The following SLC29A4 variants were observed in gnomAD, a reference collection of about 807,000 sequenced individuals.
The protein encoded by SLC29A4 is solute carrier family 29 member 4.
Under a neutral mutation model 43.9 loss-of-function variants are expected in SLC29A4, and 36 were observed. The observed-to-expected ratio is 0.82, with a 90% CI of 0.63 to 1.08. SLC29A4 has a LOEUF of 1.08. Among genes scored for constraint, SLC29A4 ranks in the 50% least tolerant of loss-of-function variants. The pLI, the probability that SLC29A4 is intolerant of heterozygous loss-of-function variation, is 0.00. For synonymous variants in SLC29A4, 491 were observed against 338.0 expected (o/e 1.45, Z -4.97); for missense variants, 869 against 755.3 (o/e 1.15, Z -1.77).
rs1192612341 is a variant in SLC29A4 at position 5,302,955 on chromosome 7, T to C, written c.*16T>C. The C allele has an allele frequency of 1.2e-6, 2 of 1,601,934 alleles. No individual in the cohort carries two copies. The highest frequency in any genetic ancestry group is 4.5e-5 in the East Asian group (2 of 44,508). ...AGGCCTCTGAGCCAGCCCCGCCCACTGCCAGGGACGCCGAGGGCCTGACCA... is the reference window on the plus strand; with the variant it reads ...AGGCCTCTGAGCCAGCCCCGCCCACCGCCAGGGACGCCGAGGGCCTGACCA... On this transcript the variant is annotated 3_prime_UTR_variant, in exon 11 of 11. Coordinates refer to ENST00000396872, the MANE Select transcript of SLC29A4 (RefSeq NM_153247.4).
chr7:5,302,606 A>G (rs181675493), intron 10 of SLC29A4, among the ~76,000 whole-genome samples, 191 bp from the exon 11 acceptor site: 2 of 152,352 alleles, frequency 1.3e-5, no homozygotes, highest in Admixed American at 1.3e-4. Context: ...AGTGCATAGC[A>G]GATGGCCTCG....
intron 10 of SLC29A4, among the ~76,000 whole-genome samples, chr7:5,302,385 T>A (rs1786230061): frequency 6.6e-6 from 1 of 152,026 alleles, no homozygotes; most frequent in African/African-American, 2.4e-5. Context: ...ACAAAAAAAT[T>A]TTTTTAGGTT....
intron 1 of SLC29A4, among the ~76,000 whole-genome samples, chr7:5,287,548 G>T (rs1404496455): frequency 6.6e-6 from 1 of 152,254 alleles, no homozygotes; most frequent in Non-Finnish European, 1.5e-5. Flanking sequence ...CATCAATGTG[G>T]TGAAACTGAG....
intron 5 of SLC29A4, among the ~76,000 whole-genome samples, chr7:5,292,638 C>CTAATTA (rs1166121376): frequency 1.4e-5 from 2 of 146,636 alleles, no homozygotes; most frequent in Non-Finnish European, 3.0e-5. Flanking sequence ...CCTTTCTTGC[C>CTAATTA]TAATTACTAA....
In SLC29A4 at chr7:5,291,253, C is replaced by T. The variant is rs571328947; in HGVS notation, c.415+16C>T. 6 of 1,604,268 alleles carry T rather than the reference C, an allele frequency of 3.7e-6. No individual in the cohort carries two copies. In the East Asian group the frequency reaches 1.3e-4, roughly 36 times the overall value. On this transcript the variant is annotated intron_variant, in intron 4 of 10. Coordinates refer to ENST00000396872, the MANE Select transcript of SLC29A4 (RefSeq NM_153247.4). ...ATCACCGCAGGTGCGCTGGGCCCCGCCACGGGACACCTGCCTGTCATGGCT... is the reference window on the plus strand; with the variant it reads ...ATCACCGCAGGTGCGCTGGGCCCCGTCACGGGACACCTGCCTGTCATGGCT...
In SLC29A4 at chr7:5,304,745, C is replaced by G. The variant is rs1786395956; in HGVS notation, c.*1806C>G. 1 of 152,212 alleles carries G rather than the reference C, an allele frequency of 6.6e-6. No homozygotes were observed. Among genetic ancestry groups the G allele is most frequent in the Non-Finnish European group, 1.5e-5 (1 of 68,074 alleles). 9.4% of individuals were successfully genotyped at this position (152,212 alleles called of 1,614,324 possible). A position where few individuals can be genotyped will look rare whatever the true frequency, so the allele number is the denominator to read the frequency against. On this transcript the variant is annotated 3_prime_UTR_variant, in exon 11 of 11. Transcript: ENST00000396872. ...TCTCGAACTCCTGATCTCAAGTGAT[C>G]CATCTGTCTCATCCTCCCAAAGTGT...
Position 5,290,691 on chromosome 7 carries a change from C to T in SLC29A4, c.170-41C>T, listed in dbSNP as rs575709754. 766 of 1,579,188 alleles carry T rather than the reference C, an allele frequency of 4.9e-4. 12 individuals are homozygous for T. In the South Asian group the frequency reaches 6.5e-3, roughly 13 times the overall value. ...GCCCTGTGCGGTGACTGTAGCCATG[C>T]GTGGAGCGTGCCCCGTCTCACCTGG... On this transcript the variant is annotated intron_variant, in intron 2 of 10. Transcript: ENST00000396872.
rs189092890 is a variant in SLC29A4, at chr7:5,288,107, C to T, written c.169+122C>T. The T allele has an allele frequency of 2.5e-4, 314 of 1,276,828 alleles. 3 individuals carry two copies. The South Asian group carries it at 3.1e-3, about 13-fold the overall frequency. 79.1% of individuals were successfully genotyped at this position (1,276,828 alleles called of 1,614,324 possible). A position where few individuals can be genotyped will look rare whatever the true frequency, so the allele number is the denominator to read the frequency against. On this transcript the variant is annotated intron_variant, in intron 2 of 10. Transcript: ENST00000396872. ...GGTCATGGAGGACTGGAGGCAGTGCCTGTCAGTGTGGATTAGATCTGCTGC... is the reference window on the plus strand; with the variant it reads ...GGTCATGGAGGACTGGAGGCAGTGCTTGTCAGTGTGGATTAGATCTGCTGC...
chr7:5,302,190 A>G (rs1056610584), intron 10 of SLC29A4, among the ~76,000 whole-genome samples: 15 of 152,140 alleles, frequency 9.9e-5, no homozygotes, highest in African/African-American at 3.4e-4. Flanking sequence ...ACCTCAGGTG[A>G]TCTGCCTGCC....
chr7:5,296,862 C>A, intron 6 of SLC29A4, 74 bp from the exon 7 acceptor site: 1 of 1,196,472 alleles, frequency 8.4e-7, no homozygotes, highest in Admixed American at 4.7e-5. Context: ...TGTGTGTGGA[C>A]GGGGCTGGGG....
At chr7:5,302,523 A>G (rs1448536449) in intron 10 of SLC29A4, among the ~76,000 whole-genome samples, 7 of 152,186 alleles carry the variant, frequency 4.6e-5, no homozygotes, top group African/African-American at 1.7e-4. Context: ...GGTCTGGGCA[A>G]CAGAGCAAGA....
chr7:5,303,092 C>A lies in SLC29A4; in HGVS notation c.*153C>A, dbSNP rs1786287054. 1.1e-6 allele frequency: 1 copy of A among 913,564 alleles called. No individual in the cohort carries two copies. Among genetic ancestry groups the A allele is most frequent in the South Asian group, 1.7e-5 (1 of 60,236 alleles). The allele number at this position is 913,564 out of a possible 1,614,324, so 56.6% of individuals were successfully genotyped here. ...TCCCTCAGGGTCCAGCCATGCCCCACCCTGGACTGAAGTTCTGCAAAGTCC... is the reference window on the plus strand; with the variant it reads ...TCCCTCAGGGTCCAGCCATGCCCCAACCTGGACTGAAGTTCTGCAAAGTCC... On this transcript the variant is annotated 3_prime_UTR_variant, in exon 11 of 11. Transcript: ENST00000396872.
At chr7:5,293,743 C>T (rs1350214816) in intron 5 of SLC29A4, among the ~76,000 whole-genome samples, 1 of 152,194 alleles carries the variant, frequency 6.6e-6, no homozygotes, top group East Asian at 1.9e-4. Flanking sequence ...CTCATGGGCT[C>T]GAGGGAGAGG....
Position 5,299,102 on chromosome 7 carries a change from C to G in SLC29A4, c.997C>G (p.Gln333Glu), listed in dbSNP as rs756178927. The change falls in exon 8 of 11, where the codon CAG (glutamine) becomes GAG (glutamate). Residue 333 changes from glutamine to glutamate, a missense_variant. Physicochemically the swap from Gln to Glu is conservative, Grantham distance 29. Coordinates refer to ENST00000396872, the MANE Select transcript of SLC29A4 (RefSeq NM_153247.4). The part of the protein sequence containing the change: ...MRFDVPRPRV[Q>E]RSWPTFRALL... Reference sequence around the variant, plus strand: ...CTTTGATGTGCCGCGGCCAAGGGTCCAGCGCAGCTGGCCCACCTTCAGAGG... The same window carrying G: ...CTTTGATGTGCCGCGGCCAAGGGTCGAGCGCAGCTGGCCCACCTTCAGAGG... 6.2e-7 allele frequency: 1 copy of G among 1,610,482 alleles called. No individual in the cohort carries two copies. The highest frequency in any genetic ancestry group is 8.5e-7 in the Non-Finnish European group (1 of 1,179,220).
chr7:5,293,550 A>C (rs563413882), intron 5 of SLC29A4, among the ~76,000 whole-genome samples: 216 of 152,258 alleles, frequency 1.4e-3, no homozygotes, highest in Non-Finnish European at 2.6e-3. Context: ...CCCTGTAAAC[A>C]CGTGTGTGTA....
chr7:5,301,885 G>A (rs754647742), intron 10 of SLC29A4, among the ~76,000 whole-genome samples: 2 of 152,188 alleles, frequency 1.3e-5, no homozygotes, highest in African/African-American at 2.4e-5. Flanking sequence ...GACTTGGTAC[G>A]TTCCAGGTGC....
At chr7:5,290,651 G>A (rs878925591) in intron 2 of SLC29A4, 81 bp from the exon 3 acceptor site, 49 of 1,527,850 alleles carry the variant, frequency 3.2e-5, no homozygotes, top group Non-Finnish European at 3.5e-5. Context: ...GATGGCGGCC[G>A]GGGTGGTGGA....
intron 1 of SLC29A4, among the ~76,000 whole-genome samples, chr7:5,285,139 A>G (rs1286497897): frequency 6.6e-6 from 1 of 152,020 alleles, no homozygotes; most frequent in Non-Finnish European, 1.5e-5. Context: ...GGCGCCTCCC[A>G]ACGACTCTTG....
At chr7:5,296,515 T>G (rs958030472) in intron 6 of SLC29A4, among the ~76,000 whole-genome samples, 15 of 39,598 alleles carry the variant, frequency 3.8e-4, no homozygotes, top group East Asian at 7.3e-4. Flanking sequence ...CGGCAGGGGG[T>G]GGGGCTGGGA....
Sources: gnomAD v4.1 joint callset for allele counts (sites outside exome capture counted in the v4.1 genomes callset) on GRCh38, gnomAD v4.1.1 for gene constraint, MANE v1.5 for transcripts, NCBI Gene and HGNC (gene_info 2026-07-23, HGNC 2026-07-21) for gene names.